Variants in ATG16L2 observed in about 807,000 individuals in gnomAD.
The protein encoded by ATG16L2 is protein Atg16l2.
In ATG16L2, 77 loss-of-function variants were observed where a neutral mutation model predicts 84.7. That is an observed-to-expected ratio of 0.91 (90% CI 0.76 to 1.10). The LOEUF (loss-of-function observed/expected upper bound fraction) is 1.10, where lower values mean the gene tolerates loss of function less well. ATG16L2 is among the 50% of genes least tolerant of loss of function. ATG16L2 has a pLI of 0.00. For synonymous variants in ATG16L2, 361 were observed against 342.8 expected (o/e 1.05, Z -0.59); for missense variants, 782 against 817.6 (o/e 0.96, Z 0.53).
rs1353696863 is a variant in ATG16L2 at position 72,825,348 on chromosome 11, G to A, written c.1043G>A (p.Ser348Asn). 1 of 1,613,506 alleles carries A rather than the reference G, an allele frequency of 6.2e-7. No individual in the cohort carries two copies. The highest frequency in any genetic ancestry group is 1.3e-5 in the African/African-American group (1 of 75,028). The change falls in exon 10 of 18, where the codon AGC (serine) becomes AAC (asparagine). Residue 348 changes from serine to asparagine, a missense_variant. By Grantham distance (46) the Ser-to-Asn change is conservative (BLOSUM62 1). Coordinates refer to ENST00000321297, the MANE Select transcript of ATG16L2 (RefSeq NM_033388.2). ...AATGCTGTTCGTTTTGGCCCCAACA[G>A]CAGCCTCCTGGCCACTGGAGGGGCT... ...EVNAVRFGPN[S>N]SLLATGGADR...
chr11:72,831,665 G>A (rs1323886815), downstream of ATG16L2, among the ~76,000 whole-genome samples: 1 of 152,174 alleles, frequency 6.6e-6, no homozygotes, highest in Non-Finnish European at 1.5e-5. Context: ...AGTCTACTGA[G>A]GCCATTCCCG....
At chr11:72,821,155 G>C in intron 3 of ATG16L2, 5 of 937,206 alleles carry the variant, frequency 5.3e-6, no homozygotes, top group Non-Finnish European at 6.4e-6. Flanking sequence ...CGTGACTTTG[G>C]GCAAGACACT....
At position 72,826,499 on chromosome 11, in the gene ATG16L2, T is replaced by C; in HGVS notation, c.1174-19T>C. On this transcript the variant is annotated intron_variant, in intron 11 of 17. Transcript: ENST00000321297. ...TGCCTCCGGCTTAGCACCTCTCACT[T>C]CCTCTCCCATTTCTCCAGGGCTACC... is the stretch of plus-strand genomic sequence containing the variant. 6.2e-7 allele frequency: 1 copy of C among 1,613,778 alleles called. No individual in the cohort carries two copies. Among genetic ancestry groups the C allele is most frequent in the Non-Finnish European group, 8.5e-7 (1 of 1,179,974 alleles).
Position 72,829,332 on chromosome 11 carries a change from A to T in ATG16L2, c.1802A>T (p.Tyr601Phe). 6 of 1,612,826 alleles carry T rather than the reference A, an allele frequency of 3.7e-6. No homozygotes were observed. The highest frequency in any genetic ancestry group is 5.1e-6 in the Non-Finnish European group (6 of 1,179,784). The change falls in exon 18 of 18, where the codon TAC becomes TTC. Residue 601 changes from tyrosine (Y) to phenylalanine (F), a missense_variant. Tyr to Phe is a conservative substitution (Grantham distance 22, BLOSUM62 3). Coordinates refer to ENST00000321297, the MANE Select transcript of ATG16L2 (RefSeq NM_033388.2). ...CAAVNAVAWC[Y>F]SGSHMVSVDQ... is the part of the protein sequence containing the mutation. ...GCCGTCAACGCCGTGGCCTGGTGCT[A>T]CTCCGGGAGCCACATGGTGAGCGTG...
intron 7 of ATG16L2, chr11:72,823,857 C>G: frequency 2.7e-6 from 2 of 740,064 alleles, no homozygotes; most frequent in East Asian, 2.5e-5. Context: ...GGGAGACTTT[C>G]ATTACCAAAT....
At chr11:72,821,010 T>C (rs1434153843) in intron 3 of ATG16L2, among the ~76,000 whole-genome samples, 2 of 152,252 alleles carry the variant, frequency 1.3e-5, no homozygotes, top group Admixed American at 6.5e-5. Context: ...TGCTGAGACC[T>C]GTGCTTGGGC....
intron 9 of ATG16L2, 107 bp from the exon 10 acceptor site, chr11:72,825,195 C>T (rs1424861659): frequency 6.1e-6 from 5 of 822,640 alleles, no homozygotes; most frequent in Admixed American, 4.3e-5. Context: ...GGAGATACCA[C>T]GTCTGCAGCA....
chr11:72,831,975 C>T (rs550346616), downstream of ATG16L2, among the ~76,000 whole-genome samples: 234 of 152,290 alleles, frequency 1.5e-3, no homozygotes, highest in African/African-American at 5.4e-3. Context: ...CCTGCTACCA[C>T]GGGGGTAGAG....
At chr11:72,828,809 G>A in intron 16 of ATG16L2, 33 bp downstream of exon 16, 3 of 1,614,172 alleles carry the variant, frequency 1.9e-6, no homozygotes, top group Non-Finnish European at 2.5e-6. Context: ...CTGTGTCCAA[G>A]TGTGCCCTGC....
At chr11:72,831,429 CAGG>C (rs1195772569), downstream of ATG16L2, among the ~76,000 whole-genome samples, 1 of 152,196 alleles carries the variant, frequency 6.6e-6, no homozygotes, top group African/African-American at 2.4e-5. Flanking sequence ...TCACGGAACC[CAGG>C]AGGAGGAGGT....
At chr11:72,819,843 TCACGC>T (rs1198201197) in intron 3 of ATG16L2, among the ~76,000 whole-genome samples, 1 of 152,116 alleles carries the variant, frequency 6.6e-6, no homozygotes, top group Non-Finnish European at 1.5e-5. Context: ...CCTCCCGGGT[TCACGC>T]CATTCTCCTG....
In ATG16L2 at chr11:72,814,424, C is replaced by T. The variant is rs1411828092; in HGVS notation, c.-22C>T. ...GCCGTCCTGGGCGGGAGGAACGCGC[C>T]GCTAGGCGGGAGAGCGCGGCCATGG... On this transcript the variant is annotated 5_prime_UTR_variant, in exon 1 of 18. Transcript: ENST00000321297. The T allele has an allele frequency of 3.5e-6, 5 of 1,420,778 alleles. No individual in the cohort carries two copies. The highest frequency in any genetic ancestry group is 4.6e-6 in the Non-Finnish European group (5 of 1,075,884). The allele number at this position is 1,420,778 out of a possible 1,614,324, so 88.0% of individuals were successfully genotyped here.
intron 13 of ATG16L2, 169 bp downstream of exon 13, chr11:72,826,992 T>A (rs1445232779): frequency 2.2e-6 from 2 of 923,052 alleles, no homozygotes; most frequent in Non-Finnish European, 3.2e-6. Flanking sequence ...CAGTGGTGTT[T>A]TCTGTCTGGT....
downstream of ATG16L2, among the ~76,000 whole-genome samples, chr11:72,832,604 G>A (rs1401529628): frequency 6.6e-6 from 1 of 152,218 alleles, no homozygotes; most frequent in Non-Finnish European, 1.5e-5. Flanking sequence ...AGCAGTCACT[G>A]CCCAGGTTTT....
rs1177244647 is a variant in ATG16L2, at chr11:72,826,540, C to T, written c.1196C>T (p.Thr399Ile). 1 of 1,614,032 alleles carries T rather than the reference C, an allele frequency of 6.2e-7. No homozygotes were observed. The highest frequency in any genetic ancestry group is 8.5e-7 in the Non-Finnish European group (1 of 1,180,024). Residue 399 changes from threonine (T) to isoleucine (I), a missense_variant, in exon 12 of 18, where the codon ACT becomes ATT. Thr to Ile is a moderately conservative substitution (Grantham distance 89, BLOSUM62 -1). Transcript: ENST00000321297. ...DPSGYQVLAA[T>I]YNQAAQLWKV... ...CAGGGCTACCAGGTTTTAGCAGCAA[C>T]TTACAACCAGGCTGCCCAGCTCTGG... is the stretch of plus-strand genomic sequence containing the variant.
chr11:72,834,806 A>G (rs1860685057), intron 5 of ATG16L2, among the ~76,000 whole-genome samples: 2 of 152,198 alleles, frequency 1.3e-5, no homozygotes, highest in Non-Finnish European at 2.9e-5. Context: ...GCTGGTCTCA[A>G]ACTCCTGATC....
intron 3 of ATG16L2, among the ~76,000 whole-genome samples, chr11:72,820,887 C>A (rs1205114461): frequency 2.0e-5 from 3 of 152,130 alleles, no homozygotes; most frequent in Non-Finnish European, 4.4e-5. Context: ...GATGAAATGA[C>A]CCTCACCCAC....
At chr11:72,828,828 G>C (rs1380819435) in intron 16 of ATG16L2, 52 bp downstream of exon 16, 4 of 1,613,876 alleles carry the variant, frequency 2.5e-6, no homozygotes, top group African/African-American at 2.7e-5. Flanking sequence ...GCCGGACCCT[G>C]TGTGTGCCCT....
rs778439980 is a variant in ATG16L2, at chr11:72,825,378, G to A, written c.1073G>A (p.Arg358His). 20 of 1,612,718 alleles carry A rather than the reference G, an allele frequency of 1.2e-5. No individual in the cohort carries two copies. Among genetic ancestry groups the A allele is most frequent in the Middle Eastern group, 3.3e-4 (2 of 6,082 alleles). ...CTCCTGGCCACTGGAGGGGCTGACC[G>A]CCTGATCCACCTCTGGAATGTTGTG... The part of the protein sequence containing the change: ...SSLLATGGAD[R>H]LIHLWNVVGS... The change falls in exon 10 of 18, where the codon CGC (arginine) becomes CAC (histidine). Residue 358 changes from arginine (R) to histidine (H), a missense_variant. Arg to His is a conservative substitution (Grantham distance 29). Coordinates refer to ENST00000321297, the MANE Select transcript of ATG16L2 (RefSeq NM_033388.2).
Sources: allele counts gnomAD v4.1 joint callset (sites outside exome capture counted in the v4.1 genomes callset), GRCh38; gene constraint gnomAD v4.1.1; transcripts MANE v1.5; gene names NCBI Gene and HGNC (gene_info 2026-07-23, HGNC 2026-07-21).